Variants in MYO19 observed in about 807,000 individuals in gnomAD.
MYO19 encodes unconventional myosin-XIX.
In MYO19, 132 loss-of-function variants were observed where a neutral mutation model predicts 129.2. That is an observed-to-expected ratio of 1.02 (90% CI 0.89 to 1.18). The LOEUF is 1.18. Ranked by LOEUF, MYO19 falls within the 50% of genes most tolerant of loss-of-function variation. The pLI, the probability that MYO19 is intolerant of heterozygous loss-of-function variation, is 0.00. For missense variants in MYO19, 1,210 were observed against 1,216.7 expected, an observed-to-expected ratio of 0.99 and a Z score of 0.08; for synonymous variants, 531 against 477.2, an observed-to-expected ratio of 1.11 and a Z score of -1.47.
intron 3 of MYO19, among the ~76,000 whole-genome samples, chr17:36,530,715 G>T (rs1015038725): frequency 2.6e-5 from 4 of 151,892 alleles, no homozygotes; most frequent in Admixed American, 6.6e-5. Context: ...CTGTCTCCCA[G>T]GTTCAAGTGA....
At chr17:36,531,250 C>T (rs147721182) in intron 3 of MYO19, among the ~76,000 whole-genome samples, 2,204 of 151,824 alleles carry the variant, frequency 0.015, 31 homozygotes, top group African/African-American at 0.041. Flanking sequence ...AAAAAATTAG[C>T]CAGGCGTGGT....
rs964935045 is a variant in MYO19 at position 36,527,490 on chromosome 17, G to A, written c.300+61C>T. ...TAGATGAATAAGGACAGGGGTAACT[G>A]CAAAGAGGTTTAGCGGGAGGTAGAG... On this transcript the variant is annotated intron_variant, in intron 5 of 25. Transcript: ENST00000614623. 5.8e-6 allele frequency: 9 copies of A among 1,559,588 alleles called. No homozygotes were observed. The African/African-American group carries it at 6.8e-5, about 12-fold the overall frequency.
At chr17:36,532,404 G>T in intron 3 of MYO19, 123 bp downstream of exon 3, 1 of 1,184,676 alleles carries the variant, frequency 8.4e-7, no homozygotes, top group Non-Finnish European at 1.2e-6. Flanking sequence ...AAAAGGCACT[G>T]GAGAGACAAT....
chr17:36,502,859 C>T, intron 21 of MYO19: 1 of 569,302 alleles, frequency 1.8e-6, no homozygotes, highest in Non-Finnish European at 3.1e-6. Flanking sequence ...CTACCTCTTC[C>T]AGGAAGCCTT....
At chr17:36,516,046 C>T (rs972842840) in intron 6 of MYO19, 56 bp from the exon 7 acceptor site, 2 of 1,538,436 alleles carry the variant, frequency 1.3e-6, no homozygotes, top group Non-Finnish European at 1.8e-6. Flanking sequence ...CACTTCTGAG[C>T]CTGCCTGAGA....
At position 36,513,684 on chromosome 17, in the gene MYO19, G is replaced by A; in HGVS notation, c.762C>T (p.His254=). The A allele has an allele frequency of 6.2e-7, 1 of 1,613,958 alleles. No homozygotes were observed. Among genetic ancestry groups the A allele is most frequent in the African/African-American group, 1.3e-5 (1 of 75,070 alleles). The part of the protein sequence containing the change: ...GASEDERLQW[H]LPEGAAFSWL... ...AGGAGAAGGCAGCTCCCTCAGGAAG[G>A]TGCCACTGGAGCCTCTCGTCCTCAC... The change falls in exon 10 of 26, where the codon CAC becomes CAT. Residue 254 remains histidine (H), a synonymous_variant. Coordinates refer to ENST00000614623, the MANE Select transcript of MYO19 (RefSeq NM_001163735.2).
chr17:36,496,034 A>G lies in MYO19; in HGVS notation c.*217T>C. On this transcript the variant is annotated 3_prime_UTR_variant, in exon 26 of 26. Transcript: ENST00000614623. ...GATGTTTCTTAACCCTGATTTGGTA[A>G]CTACCAGCCCTGACACCATCAGTGC... The G allele has an allele frequency of 2.6e-6, 2 of 783,504 alleles. No homozygotes were observed. Among genetic ancestry groups the G allele is most frequent in the Non-Finnish European group, 3.8e-6 (2 of 528,456 alleles). The allele number at this position is 783,504 out of a possible 1,614,324, so 48.5% of individuals were successfully genotyped here.
chr17:36,495,924 ATG>A lies in MYO19; in HGVS notation c.*325_*326del. 1 of 1,130,762 alleles carries A rather than the reference ATG, an allele frequency of 8.8e-7. No individual in the cohort carries two copies. Among genetic ancestry groups the A allele is most frequent in the East Asian group, 3.2e-5 (1 of 31,420 alleles). The allele number at this position is 1,130,762 out of a possible 1,614,324, so 70.0% of individuals were successfully genotyped here. On this transcript the variant is annotated 3_prime_UTR_variant, in exon 26 of 26. Coordinates refer to ENST00000614623, the MANE Select transcript of MYO19 (RefSeq NM_001163735.2). ...TGGCTGTTTTCTTCCAAAAGTGCTT[ATG>A]TGGAATTGGGATCCCCAGTGTAGTG...
chr17:36,514,359 TG>T, intron 9 of MYO19, 86 bp downstream of exon 9: 1 of 848,040 alleles, frequency 1.2e-6, no homozygotes, highest in Non-Finnish European at 2.0e-6. Context: ...GAACCAGGTA[TG>T]GAGCATTCTG....
intron 13 of MYO19, among the ~76,000 whole-genome samples, chr17:36,510,500 T>C (rs560157919): frequency 6.6e-5 from 10 of 152,330 alleles, no homozygotes; most frequent in South Asian, 4.1e-4. Context: ...ACTTTAATAA[T>C]GAGCTGAATT....
intron 6 of MYO19, among the ~76,000 whole-genome samples, chr17:36,516,977 G>A (rs1363561663): frequency 2.6e-5 from 4 of 152,078 alleles, no homozygotes; most frequent in African/African-American, 9.7e-5. Context: ...AGCCACCAGG[G>A]CCTACAGCTT....
In MYO19 at chr17:36,509,132, C is replaced by A. The variant is rs2072134769; in HGVS notation, c.1161G>T (p.Leu387Phe). Residue 387 changes from leucine to phenylalanine, a missense_variant, in exon 14 of 26, where the codon TTG (leucine) becomes TTT (phenylalanine). Leu to Phe is a conservative substitution (Grantham distance 22). Coordinates refer to ENST00000614623, the MANE Select transcript of MYO19 (RefSeq NM_001163735.2). ...DCLAKLIYAR[L>F]FDWLVSVINS... ...TGATCACTGATACCAGCCAGTCAAA[C>A]AACCTGTTGGGGGAAGAGAGTGGAC... 5 of 1,613,762 alleles carry A rather than the reference C, an allele frequency of 3.1e-6. No individual in the cohort carries two copies. Among genetic ancestry groups the A allele is most frequent in the Non-Finnish European group, 4.2e-6 (5 of 1,179,782 alleles).
intron 3 of MYO19, 111 bp downstream of exon 3, chr17:36,532,416 T>G: frequency 7.8e-7 from 1 of 1,288,560 alleles, no homozygotes; most frequent in Non-Finnish European, 1.1e-6. Context: ...AGAGACAATT[T>G]GAGGAGAGAA....
intron 6 of MYO19, among the ~76,000 whole-genome samples, chr17:36,522,401 G>A (rs1018092000): frequency 2.0e-5 from 3 of 151,504 alleles, no homozygotes; most frequent in Non-Finnish European, 2.9e-5. Context: ...CCAGCTACTC[G>A]GGAGGAGGCT....
At chr17:36,525,990 C>T (rs946047111) in intron 5 of MYO19, among the ~76,000 whole-genome samples, 1 of 152,194 alleles carries the variant, frequency 6.6e-6, no homozygotes, top group Non-Finnish European at 1.5e-5. Context: ...TACCTCATCA[C>T]GCATGAACTT....
At chr17:36,497,974 G>T (rs986945056) in intron 25 of MYO19, 11 of 419,782 alleles carry the variant, frequency 2.6e-5, no homozygotes, top group Non-Finnish European at 4.3e-5. Flanking sequence ...AATCAGCTGG[G>T]AGCTTGCTAG....
chr17:36,495,956 A>C lies in MYO19; in HGVS notation c.*295T>G, dbSNP rs557122032. The C allele has an allele frequency of 2.2e-5, 20 of 894,984 alleles. No homozygotes were observed. In the South Asian group the frequency reaches 9.0e-4, roughly 40 times the overall value. 55.4% of individuals were successfully genotyped at this position (894,984 alleles called of 1,614,324 possible). ...ATTGGGATCCCCAGTGTAGTGACAGACAGTCATGACTGCTGCTGAGTTTGA... is the reference window on the plus strand; with the variant it reads ...ATTGGGATCCCCAGTGTAGTGACAGCCAGTCATGACTGCTGCTGAGTTTGA... On this transcript the variant is annotated 3_prime_UTR_variant, in exon 26 of 26. Transcript: ENST00000614623.
chr17:36,532,488 GTGCTTGAGGGCC>G, intron 3 of MYO19, 27 bp downstream of exon 3: 1 of 1,552,780 alleles, frequency 6.4e-7, no homozygotes, highest in Non-Finnish European at 8.7e-7. Context: ...GATGCTGCAG[GTGCTTGAGGGCC>G]TGGGTTATCT....
intron 3 of MYO19, among the ~76,000 whole-genome samples, chr17:36,531,048 T>C (rs1229501144): frequency 6.6e-6 from 1 of 152,000 alleles, no homozygotes; most frequent in African/African-American, 2.4e-5. Flanking sequence ...CAGCCTTGTC[T>C]ACAGAGTGAG....
Sources: gnomAD v4.1 joint callset for allele counts (sites outside exome capture counted in the v4.1 genomes callset) on GRCh38, gnomAD v4.1.1 for gene constraint, MANE v1.5 for transcripts, NCBI Gene and HGNC (gene_info 2026-07-23, HGNC 2026-07-21) for gene names.